CDH18: variants seen among roughly 807,000 people sequenced by gnomAD.
CDH18 encodes cadherin-18.
In CDH18, 31 loss-of-function variants were observed where a neutral mutation model predicts 67.9. The ratio of observed to expected loss-of-function variants is 0.46; its 90% confidence interval spans 0.34 to 0.62. The LOEUF is 0.62. CDH18 is among the 20% of genes least tolerant of loss of function. CDH18 has a pLI of 0.01. For missense variants in CDH18, 890 were observed against 975.5 expected, an observed-to-expected ratio of 0.91 and a Z score of 1.17; for synonymous variants, 362 against 347.2, an observed-to-expected ratio of 1.04 and a Z score of -0.48.
At chr5:19,607,387 T>C (rs1413830412) in intron 6 of CDH18, among the ~76,000 whole-genome samples, 1 of 151,330 alleles carries the variant, frequency 6.6e-6, no homozygotes, top group African/African-American at 2.4e-5. Flanking sequence ...GTTAATGACA[T>C]TAAACAGTTT....
chr5:19,830,636 T>A (rs1369503629), intron 3 of CDH18, among the ~76,000 whole-genome samples: 1 of 152,040 alleles, frequency 6.6e-6, no homozygotes, highest in Non-Finnish European at 1.5e-5. Context: ...GCAATTTTTC[T>A]AAAAACTTAA....
intron 1 of CDH18, among the ~76,000 whole-genome samples, chr5:20,286,518 T>C (rs1255246262): frequency 1.3e-5 from 2 of 151,732 alleles, no homozygotes; most frequent in Non-Finnish European, 3.0e-5. Flanking sequence ...ATACATAAAA[T>C]ATAGACCTTG....
At chr5:20,516,535 A>G (rs1311354311) in intron 1 of CDH18, among the ~76,000 whole-genome samples, 1 of 152,028 alleles carries the variant, frequency 6.6e-6, no homozygotes, top group Non-Finnish European at 1.5e-5. Flanking sequence ...TTATTTATAC[A>G]TATAAAATAA....
chr5:19,545,188 G>C (rs1051798062), intron 8 of CDH18, among the ~76,000 whole-genome samples: 1 of 152,062 alleles, frequency 6.6e-6, no homozygotes, highest in Admixed American at 6.6e-5. Context: ...ATTTTATCTA[G>C]ACCTGAAAGA....
chr5:20,065,274 G>A (rs972271374), intron 2 of CDH18, among the ~76,000 whole-genome samples: 8 of 151,860 alleles, frequency 5.3e-5, no homozygotes, highest in African/African-American at 1.2e-4. Flanking sequence ...CATTTGTGAC[G>A]TCTTTCATTT....
At chr5:19,711,216 A>C (rs1764655608) in intron 5 of CDH18, among the ~76,000 whole-genome samples, 1 of 152,112 alleles carries the variant, frequency 6.6e-6, no homozygotes, top group Non-Finnish European at 1.5e-5. Flanking sequence ...CCTCAAAAGG[A>C]AATGCAACAA....
intron 1 of CDH18, among the ~76,000 whole-genome samples, chr5:20,453,317 T>C (rs931840378): frequency 6.6e-6 from 1 of 152,190 alleles, no homozygotes; most frequent in East Asian, 1.9e-4. Context: ...TGATGTAATA[T>C]GAGCATTTTA....
chr5:20,129,837 T>C (rs1470776982), intron 2 of CDH18, among the ~76,000 whole-genome samples: 1 of 152,080 alleles, frequency 6.6e-6, no homozygotes, highest in South Asian at 2.1e-4. Flanking sequence ...AGCATACTGA[T>C]AGAGAAGTAA....
At chr5:19,589,352 A>G (rs1412309210) in intron 7 of CDH18, among the ~76,000 whole-genome samples, 1 of 152,150 alleles carries the variant, frequency 6.6e-6, no homozygotes, top group East Asian at 1.9e-4. Context: ...CTCCAAGATT[A>G]TATTTCCTCC....
chr5:19,515,190 G>C (rs188332990), intron 10 of CDH18, among the ~76,000 whole-genome samples: 1 of 152,120 alleles, frequency 6.6e-6, no homozygotes, highest in African/African-American at 2.4e-5. Flanking sequence ...GCTCTGTTCT[G>C]TTCCATTGGT....
chr5:19,984,719 T>C (rs1414043152), intron 1 of CDH18, among the ~76,000 whole-genome samples: 3 of 152,192 alleles, frequency 2.0e-5, no homozygotes, highest in Non-Finnish European at 4.4e-5. Flanking sequence ...TCACCTTTTA[T>C]GGATAAAGAA....
At chr5:20,134,317 T>A (rs58016182) in intron 2 of CDH18, among the ~76,000 whole-genome samples, 7,082 of 152,216 alleles carry the variant, frequency 0.047, 556 homozygotes, top group African/African-American at 0.16. Context: ...CATATTTTTC[T>A]TTTATTCTTT....
Position 19,828,577 on chromosome 5 carries a change from G to T in CDH18, c.228+10182C>A, listed in dbSNP as rs573721147. ...GGCTTTATGCCTGGGATGCATAATT[G>T]GTTCAACATTGCAAATCAATAAGCG... On this transcript the variant is annotated intron_variant, in intron 3 of 12. Coordinates refer to ENST00000382275, the MANE Select transcript of CDH18 (RefSeq NM_004934.5). Among the ~76,000 whole-genome samples, 321 of 152,284 alleles carry T rather than the reference G, an allele frequency of 2.1e-3. 3 individuals are homozygous for T. Among genetic ancestry groups the T allele is most frequent in the Non-Finnish European group, 3.2e-3 (221 of 68,028 alleles).
At chr5:19,661,565 G>T (rs1346119497) in intron 5 of CDH18, among the ~76,000 whole-genome samples, 1 of 151,926 alleles carries the variant, frequency 6.6e-6, no homozygotes, top group African/African-American at 2.4e-5. Flanking sequence ...GTAAGATTTC[G>T]AAGCAAATTC....
At chr5:20,437,184 G>T (rs1749234629) in intron 1 of CDH18, among the ~76,000 whole-genome samples, 1 of 151,130 alleles carries the variant, frequency 6.6e-6, no homozygotes, top group Admixed American at 6.6e-5. Flanking sequence ...TTCATTGTAT[G>T]AGGTGAATAT....
chr5:19,772,927 AGATTAAACATTAT>A (rs1027051296), intron 3 of CDH18, among the ~76,000 whole-genome samples: 27 of 152,206 alleles, frequency 1.8e-4, no homozygotes, highest in African/African-American at 5.5e-4. Flanking sequence ...ACCAAAATTA[AGATTAAACATTAT>A]GTATATGTCC....
chr5:19,985,782 T>C (rs1799506157), intron 1 of CDH18, among the ~76,000 whole-genome samples: 1 of 152,180 alleles, frequency 6.6e-6, no homozygotes, highest in African/African-American at 2.4e-5. Flanking sequence ...ACATGCTTTG[T>C]CTTTAATGTC....
intron 2 of CDH18, among the ~76,000 whole-genome samples, chr5:19,920,178 T>C (rs1194746329): frequency 6.6e-6 from 1 of 152,226 alleles, no homozygotes; most frequent in Admixed American, 6.5e-5. Flanking sequence ...ATCTTTGAAA[T>C]TTCGAAGTTA....
intron 2 of CDH18, among the ~76,000 whole-genome samples, chr5:20,235,922 A>G (rs1742441642): frequency 6.6e-6 from 1 of 152,202 alleles, no homozygotes; most frequent in Admixed American, 6.5e-5. Flanking sequence ...CACAGACATA[A>G]AAAGAACAAA....
Sources: allele counts gnomAD v4.1 joint callset (sites outside exome capture counted in the v4.1 genomes callset), GRCh38; gene constraint gnomAD v4.1.1; transcripts MANE v1.5; gene names NCBI Gene and HGNC (gene_info 2026-07-23, HGNC 2026-07-21).